Variants in CCDC85A observed in about 807,000 individuals in gnomAD.
The protein encoded by CCDC85A is coiled-coil domain-containing protein 85A.
Under a neutral mutation model 50.2 loss-of-function variants are expected in CCDC85A, and 38 were observed. That is an observed-to-expected ratio of 0.76 (90% CI 0.58 to 0.99). CCDC85A has a LOEUF of 0.99. CCDC85A is among the 50% of genes least tolerant of loss of function. The probability of loss-of-function intolerance (pLI) is 0.00; values close to 1 mark genes in which losing one functional copy is unlikely to be tolerated. For missense variants in CCDC85A, 820 were observed against 742.0 expected (o/e 1.11, Z -1.22); for synonymous variants, 366 against 301.4 (o/e 1.21, Z -2.22).
intron 5 of CCDC85A, among the ~76,000 whole-genome samples, chr2:56,377,511 T>C (rs1372291778): frequency 6.6e-6 from 1 of 152,184 alleles, no homozygotes; most frequent in Admixed American, 6.5e-5. Flanking sequence ...CAGATCAGCA[T>C]AGTGAGTCAC....
intron 2 of CCDC85A, among the ~76,000 whole-genome samples, chr2:56,282,134 T>C (rs1415084133): frequency 2.0e-5 from 3 of 152,178 alleles, no homozygotes; most frequent in Non-Finnish European, 4.4e-5. Context: ...GAGAGTTTTT[T>C]TTTTATGGAT....
At chr2:56,209,784 T>C in intron 2 of CCDC85A, among the ~76,000 whole-genome samples, 1 of 152,194 alleles carries the variant, frequency 6.6e-6, no homozygotes, top group East Asian at 1.9e-4. Flanking sequence ...TATTTATATA[T>C]TTATATTTTG....
chr2:56,281,871 A>G (rs916514542), intron 2 of CCDC85A, among the ~76,000 whole-genome samples: 2 of 152,152 alleles, frequency 1.3e-5, no homozygotes, highest in African/African-American at 4.8e-5. Context: ...TTTTCTCTCA[A>G]TCTGTAGCTT....
At chr2:56,253,921 T>A (rs1669874185) in intron 2 of CCDC85A, among the ~76,000 whole-genome samples, 1 of 152,146 alleles carries the variant, frequency 6.6e-6, no homozygotes, top group Admixed American at 6.5e-5. Context: ...TTTGTGCCCA[T>A]CTGAGTGGAC....
intron 2 of CCDC85A, among the ~76,000 whole-genome samples, chr2:56,253,400 G>A (rs1265657411): frequency 6.6e-6 from 1 of 152,150 alleles, no homozygotes; most frequent in Non-Finnish European, 1.5e-5. Context: ...CTCATGGGAG[G>A]GAGCAGGAAG....
At chr2:56,220,184 A>C (rs970461532) in intron 2 of CCDC85A, among the ~76,000 whole-genome samples, 3 of 151,932 alleles carry the variant, frequency 2.0e-5, no homozygotes, top group Non-Finnish European at 4.4e-5. Context: ...TTTCGTGCAT[A>C]TATTTGTCAG....
At chr2:56,193,474 TG>T (rs1394218564) in intron 2 of CCDC85A, 34 bp downstream of exon 2, 3 of 1,551,958 alleles carry the variant, frequency 1.9e-6, no homozygotes, top group East Asian at 4.5e-5. Context: ...CTGCTTGGGC[TG>T]GGGAACTCAG....
rs528721506 is a variant in CCDC85A at position 56,328,883 on chromosome 2, T to C, written c.1241-13996T>C. ...AGCAGCTCCCTCAGTGGTCACCCTC[T>C]CTCATTCTTGTTTCTTTTCTCTCTG... On this transcript the variant is annotated intron_variant, in intron 2 of 5. Coordinates refer to ENST00000407595, the MANE Select transcript of CCDC85A (RefSeq NM_001080433.2). 2.6e-5 allele frequency among the ~76,000 whole-genome samples: 4 copies of C among 152,200 alleles called. No individual in the cohort carries two copies. In the South Asian group the frequency reaches 8.3e-4, roughly 32 times the overall value.
intron 5 of CCDC85A, 86 bp downstream of exon 5, chr2:56,376,021 C>G (rs761931764): frequency 8.9e-5 from 124 of 1,392,950 alleles, no homozygotes; most frequent in Non-Finnish European, 1.1e-4. Context: ...CACAGTCTTG[C>G]TTGAACCATA....
chr2:56,218,581 C>G (rs1016863378), intron 2 of CCDC85A, among the ~76,000 whole-genome samples: 3 of 151,804 alleles, frequency 2.0e-5, no homozygotes, highest in Non-Finnish European at 2.9e-5. Flanking sequence ...ATAATATCAC[C>G]ACCATGTCAA....
intron 2 of CCDC85A, among the ~76,000 whole-genome samples, chr2:56,325,932 A>T (rs768234813): frequency 4.6e-5 from 7 of 152,150 alleles, no homozygotes; most frequent in Non-Finnish European, 1.0e-4. Flanking sequence ...GAGATAATGC[A>T]GTTATTGTGT....
chr2:56,208,012 G>T (rs558055852), intron 2 of CCDC85A, among the ~76,000 whole-genome samples: 1 of 152,214 alleles, frequency 6.6e-6, no homozygotes, highest in East Asian at 1.9e-4. Context: ...TTCAAAAACG[G>T]TGAGTTCAAG....
intron 2 of CCDC85A, among the ~76,000 whole-genome samples, chr2:56,242,734 T>C: frequency 6.6e-6 from 1 of 152,206 alleles, no homozygotes; most frequent in South Asian, 2.1e-4. Flanking sequence ...TTTTGTTGAT[T>C]GTTTCACTCA....
chr2:56,192,965 C>A lies in CCDC85A; in HGVS notation c.765C>A (p.Ser255Arg). The change falls in exon 2 of 6, where the codon AGC (serine) becomes AGA (arginine). Residue 255 changes from serine (S) to arginine (R), a missense_variant. Transcript: ENST00000407595. This position sits in a 1 kb window ranked among gnomAD's most constrained non-coding sequence, Gnocchi z 4.7. ...AGCACTCCAAGCACAGGAGCGCCAG[C>A]CCCGAGCATCCACAGAAACCCAGAG... is the stretch of plus-strand genomic sequence containing the variant. ...SPEHSKHRSA[S>R]PEHPQKPRAC... is the part of the protein sequence containing the mutation. The A allele has an allele frequency of 6.2e-7, 1 of 1,612,976 alleles. No individual in the cohort carries two copies. The highest frequency in any genetic ancestry group is 8.5e-7 in the Non-Finnish European group (1 of 1,179,622).
intron 2 of CCDC85A, among the ~76,000 whole-genome samples, chr2:56,199,319 C>T (rs1676643647): frequency 6.6e-6 from 1 of 152,038 alleles, no homozygotes; most frequent in South Asian, 2.1e-4. Context: ...ATTCTGGAGG[C>T]AGGGATGTAG....
rs147892797 is a variant in CCDC85A, at chr2:56,184,951, C to A, written c.276+51C>A. 7.8e-3 allele frequency: 11,173 copies of A among 1,437,312 alleles called. 62 individuals carry two copies. Among genetic ancestry groups the A allele is most frequent in the Non-Finnish European group, 9.2e-3 (10,158 of 1,102,010 alleles). The allele number at this position is 1,437,312 out of a possible 1,614,324, so 89.0% of individuals were successfully genotyped here. ...GCGGCGCGGCTGGGAGCGGGGTGCC[C>A]CGAGGAGGAGGCGGGGCCAGGCAAA... is the stretch of plus-strand genomic sequence containing the variant. On this transcript the variant is annotated intron_variant, in intron 1 of 5. Coordinates refer to ENST00000407595, the MANE Select transcript of CCDC85A (RefSeq NM_001080433.2).
chr2:56,284,642 G>C (rs1319249455), intron 2 of CCDC85A, among the ~76,000 whole-genome samples: 1 of 152,190 alleles, frequency 6.6e-6, no homozygotes, highest in Non-Finnish European at 1.5e-5. Context: ...CAAACTGCCA[G>C]GATTACAGGC....
rs72919074 is a variant in CCDC85A, at chr2:56,229,137, C to A, written c.1240+35697C>A. ...ATTGCTGTGACATGGGTACTTTTACCAGCAAAGTTTAGGACCTAGTCCCTT... is the reference window on the plus strand; with the variant it reads ...ATTGCTGTGACATGGGTACTTTTACAAGCAAAGTTTAGGACCTAGTCCCTT... On this transcript the variant is annotated intron_variant, in intron 2 of 5. Transcript: ENST00000407595. Among the ~76,000 whole-genome samples the A allele has an allele frequency of 3.0e-3, 452 of 152,250 alleles. 4 individuals carry two copies. Among genetic ancestry groups the A allele is most frequent in the African/African-American group, 0.01 (426 of 41,538 alleles).
chr2:56,341,851 C>G (rs1674387481), intron 2 of CCDC85A, among the ~76,000 whole-genome samples: 1 of 152,230 alleles, frequency 6.6e-6, no homozygotes, highest in South Asian at 2.1e-4. Context: ...TTCATTCTAA[C>G]TCTAAATAGC....
Sources: allele counts gnomAD v4.1 joint callset (sites outside exome capture counted in the v4.1 genomes callset), GRCh38; gene constraint gnomAD v4.1.1; non-coding constraint Gnocchi (gnomAD v3.1); transcripts MANE v1.5; gene names NCBI Gene and HGNC (gene_info 2026-07-23, HGNC 2026-07-21).